HAT1: variants seen among roughly 807,000 people sequenced by gnomAD.
HAT1 encodes the protein histone acetyltransferase type B catalytic subunit.
A neutral mutation model predicts 56.6 loss-of-function variants in HAT1; 20 were observed. The ratio of observed to expected loss-of-function variants is 0.35; its 90% CI spans 0.25 to 0.51. HAT1 has a LOEUF of 0.51. Among genes scored for constraint, HAT1 ranks in the 20% least tolerant of loss-of-function variants. The pLI is 0.95. For missense variants in HAT1, 408 were observed against 504.3 expected (o/e 0.81, Z 1.83); for synonymous variants, 146 against 165.5 (o/e 0.88, Z 0.91).
At chr2:171,945,318 A>G (rs926469098) in intron 2 of HAT1, among the ~76,000 whole-genome samples, 1 of 152,144 alleles carries the variant, frequency 6.6e-6, no homozygotes. Flanking sequence ...TACCCATTCC[A>G]TCTTAGATTG....
intron 2 of HAT1, among the ~76,000 whole-genome samples, chr2:171,927,005 C>T (rs554332810): frequency 6.6e-6 from 1 of 152,240 alleles, no homozygotes; most frequent in Non-Finnish European, 1.5e-5. Context: ...TGCAGTAAAC[C>T]TTAAAAAGAT....
intron 10 of HAT1, chr2:171,979,599 G>C (rs189031551): frequency 2.8e-4 from 94 of 339,976 alleles, no homozygotes; most frequent in Admixed American, 1.8e-4. Context: ...CCTCAGGTCA[G>C]AAGTTCAAGA....
chr2:171,930,215 G>A (rs1686704383), intron 2 of HAT1, among the ~76,000 whole-genome samples: 1 of 151,860 alleles, frequency 6.6e-6, no homozygotes, highest in Non-Finnish European at 1.5e-5. Context: ...CTTTGTCACC[G>A]AGGATGGAGT....
chr2:171,952,861 T>G lies in HAT1; in HGVS notation c.189-20T>G. 1 of 1,559,728 alleles carries G rather than the reference T, an allele frequency of 6.4e-7. No homozygotes were observed. The highest frequency in any genetic ancestry group is 8.7e-7 in the Non-Finnish European group (1 of 1,145,086). On this transcript the variant is annotated intron_variant, in intron 3 of 10. Coordinates refer to ENST00000264108, the MANE Select transcript of HAT1 (RefSeq NM_003642.4). ...TGACTGCAAAAATTCATTCCATTAT[T>G]GCTATTTTTTCCATTTCAGTGAAAC... is the stretch of plus-strand genomic sequence containing the variant.
chr2:171,950,341 T>A (rs76169206), intron 3 of HAT1, among the ~76,000 whole-genome samples: 1 of 143,554 alleles, frequency 7.0e-6, no homozygotes, highest in African/African-American at 2.5e-5. Flanking sequence ...ACCCAGCTAA[T>A]TTTTTTTTTT....
At chr2:171,977,555 A>AT (rs1234192328) in intron 9 of HAT1, among the ~76,000 whole-genome samples, 4 of 11,224 alleles carry the variant, frequency 3.6e-4, no homozygotes, top group South Asian at 5.8e-3. Flanking sequence ...ATATATATAT[A>AT]TATTTTTTTT....
intron 2 of HAT1, among the ~76,000 whole-genome samples, chr2:171,935,878 T>C (rs1574037818): frequency 2.0e-5 from 3 of 151,826 alleles, no homozygotes; most frequent in African/African-American, 7.2e-5. Flanking sequence ...AGACCCTGTC[T>C]CAAAAAACAA....
At chr2:171,945,278 C>A (rs982381833) in intron 2 of HAT1, among the ~76,000 whole-genome samples, 2 of 151,950 alleles carry the variant, frequency 1.3e-5, no homozygotes, top group African/African-American at 4.8e-5. Flanking sequence ...TCAGTACTCA[C>A]AACAAATACA....
At chr2:171,976,431 A>G in intron 9 of HAT1, 123 bp downstream of exon 9, 1 of 464,552 alleles carries the variant, frequency 2.2e-6, no homozygotes, top group Non-Finnish European at 3.5e-6. Flanking sequence ...AATGGTTAAC[A>G]GTACAGCTTT....
At chr2:171,951,616 A>G (rs1461138668) in intron 3 of HAT1, among the ~76,000 whole-genome samples, 1 of 139,020 alleles carries the variant, frequency 7.2e-6, no homozygotes. Context: ...TAGTTTTAGT[A>G]GAAACGTGGT....
At chr2:171,938,055 TCTCTCTCTCTCTCTCTCTC>T (rs1686919542) in intron 2 of HAT1, among the ~76,000 whole-genome samples, 1 of 150,552 alleles carries the variant, frequency 6.6e-6, no homozygotes, top group South Asian at 2.1e-4. Context: ...TCTCTCTCTC[TCTCTCTCTCTCTCTCTCTC>T]TTTAAATGAA....
chr2:171,977,540 TATATATATATATATA>T (rs1167425365), intron 9 of HAT1, among the ~76,000 whole-genome samples: 1 of 14,996 alleles, frequency 6.7e-5, no homozygotes, highest in Admixed American at 1.0e-3. Context: ...TATATATATA[TATATATATATATATA>T]TATTTTTTTT....
In HAT1 at chr2:171,922,510, A is replaced by G. The variant is rs756736761; in HGVS notation, c.7+3A>G. 7.6e-7 allele frequency: 1 copy of G among 1,318,120 alleles called. No homozygotes were observed. Among genetic ancestry groups the G allele is most frequent in the East Asian group, 2.8e-5 (1 of 35,754 alleles). The allele number at this position is 1,318,120 out of a possible 1,614,324, so 81.7% of individuals were successfully genotyped here. The stretch of plus-strand genomic sequence containing the variant: ...TGATCGTAGCTCGGAAATGGCGGGT[A>G]AGTTACCGGGAAAAGTTTACCAAGG... On this transcript the variant is annotated splice_donor_region_variant and intron_variant, in intron 1 of 10. Transcript: ENST00000264108.
intron 2 of HAT1, among the ~76,000 whole-genome samples, chr2:171,931,676 G>T (rs960963084): frequency 1.3e-5 from 2 of 152,004 alleles, no homozygotes; most frequent in South Asian, 2.1e-4. Context: ...TGTGTCTCGG[G>T]GGGGAAAAAC....
At chr2:171,925,681 T>C in intron 2 of HAT1, 40 bp downstream of exon 2, 1 of 818,718 alleles carries the variant, frequency 1.2e-6, no homozygotes, top group Non-Finnish European at 2.1e-6. Flanking sequence ...GTACATACTG[T>C]GTGTGTATAT....
chr2:171,972,550 A>G (rs1219100809), intron 8 of HAT1, among the ~76,000 whole-genome samples: 7 of 152,208 alleles, frequency 4.6e-5, no homozygotes, highest in Admixed American at 4.6e-4. Flanking sequence ...AGGTGTGAGC[A>G]GCTGCACCTG....
intron 4 of HAT1, among the ~76,000 whole-genome samples, chr2:171,954,034 T>C (rs1012332667): frequency 1.4e-4 from 21 of 152,272 alleles, no homozygotes; most frequent in Non-Finnish European, 2.8e-4. Context: ...ATACTCAGTC[T>C]TTAGTTATGG....
intron 1 of HAT1, chr2:171,923,678 T>C (rs1164421278): frequency 6.6e-6 from 1 of 152,194 alleles, no homozygotes. Flanking sequence ...TTGTGTGAGC[T>C]CTACAGATGT....
intron 8 of HAT1, among the ~76,000 whole-genome samples, chr2:171,975,475 T>A (rs1687935778): frequency 6.6e-6 from 1 of 152,204 alleles, no homozygotes; most frequent in African/African-American, 2.4e-5. Context: ...TTTCATGGAA[T>A]TTACCAGTAA....
Sources: gnomAD v4.1 joint callset for allele counts (sites outside exome capture counted in the v4.1 genomes callset) on GRCh38, gnomAD v4.1.1 for gene constraint, MANE v1.5 for transcripts, NCBI Gene and HGNC (gene_info 2026-07-23, HGNC 2026-07-21) for gene names.